Variants in PCDH19 observed in about 807,000 individuals in gnomAD.
PCDH19 encodes the protein protocadherin 19.
Under a neutral mutation model 46.2 loss-of-function variants are expected in PCDH19, and 6 were observed. The ratio of observed to expected loss-of-function variants is 0.13; its 90% CI spans 0.07 to 0.26. PCDH19 has a LOEUF of 0.26. Among genes scored for constraint, PCDH19 ranks in the 10% least tolerant of loss-of-function variants. The pLI, the probability that PCDH19 is intolerant of heterozygous loss-of-function variation, is 1.00. For missense variants in PCDH19, 740 were observed against 972.3 expected (o/e 0.76, Z 3.18); for synonymous variants, 481 against 415.7 (o/e 1.16, Z -1.91).
Position 100,408,397 on chromosome X carries a change from C to T in PCDH19, c.201G>A (p.Ser67=), listed in dbSNP as rs202078154. Reference sequence around the variant, plus strand: ...GATTGATGTCCACTAGGTGTGGAGCCGAGTTGGACACCACGCGAAAGGCTG... The same window carrying T: ...GATTGATGTCCACTAGGTGTGGAGCTGAGTTGGACACCACGCGAAAGGCTG... ...QASAFRVVSN[S]APHLVDINPS... is the part of the protein sequence containing the mutation. The change falls in exon 1 of 6, where the codon TCG becomes TCA. Residue 67 remains serine (S), a synonymous_variant. Coordinates refer to ENST00000373034, the MANE Select transcript of PCDH19 (RefSeq NM_001184880.2). The T allele has an allele frequency of 6.6e-6, 8 of 1,206,319 alleles. No homozygotes were observed. In the African/African-American group the frequency reaches 1.1e-4, roughly 16 times the overall value.
rs1569294601 is a variant in PCDH19 at position 100,333,159 on chromosome X, AAGGAAGGAAGGAAGG to A, written c.2848+8729_2848+8743del. Among the ~76,000 whole-genome samples, 153 of 46,198 alleles carry A rather than the reference AAGGAAGGAAGGAAGG, an allele frequency of 3.3e-3. 1 individual carries two copies. Among genetic ancestry groups the A allele is most frequent in the Middle Eastern group, 9.1e-3 (1 of 110 alleles). The allele number at this position is 46,198 out of a possible 115,157, so 40.1% of individuals were successfully genotyped here. On this transcript the variant is annotated intron_variant, in intron 5 of 5. Coordinates refer to ENST00000373034, the MANE Select transcript of PCDH19 (RefSeq NM_001184880.2). ...GAAGGAAGGAAGGAAGGAAGGAAGG[AAGGAAGGAAGGAAGG>A]GAGAGAGAGAGAAAGAAAGAAAGAA...
At chrX:100,347,515 T>C (rs1329436538) in intron 4 of PCDH19, among the ~76,000 whole-genome samples, 1 of 111,764 alleles carries the variant, frequency 8.9e-6, no homozygotes, top group African/African-American at 3.3e-5. Context: ...TAAACTTTCC[T>C]CAAGCCATTC....
At chrX:100,405,866 T>TA (rs1928331074) in intron 1 of PCDH19, among the ~76,000 whole-genome samples, 1 of 111,416 alleles carries the variant, frequency 9.0e-6, no homozygotes, top group Admixed American at 9.5e-5. Flanking sequence ...GGGGACTAGA[T>TA]AAAAAACAAG....
chrX:100,374,612 T>C (rs1927318387), intron 3 of PCDH19, among the ~76,000 whole-genome samples: 1 of 112,132 alleles, frequency 8.9e-6, no homozygotes, highest in African/African-American at 3.2e-5. Flanking sequence ...CCATAAATTA[T>C]GCTTACAAGT....
intron 3 of PCDH19, among the ~76,000 whole-genome samples, chrX:100,361,673 A>C (rs971805042): frequency 1.8e-5 from 2 of 111,943 alleles, no homozygotes; most frequent in African/African-American, 6.5e-5. Flanking sequence ...AAATATTATT[A>C]ACCCTGTTAA....
intron 5 of PCDH19, among the ~76,000 whole-genome samples, chrX:100,340,290 C>T (rs1363622427): frequency 8.9e-6 from 1 of 112,243 alleles, no homozygotes. Flanking sequence ...TTCCCTGATA[C>T]TGTTTTCCTA....
intron 3 of PCDH19, among the ~76,000 whole-genome samples, chrX:100,371,194 G>A (rs980828834): frequency 1.8e-5 from 2 of 111,625 alleles, no homozygotes; most frequent in African/African-American, 3.3e-5. Flanking sequence ...TCATGTCATC[G>A]TGGTCCTTCC....
At chrX:100,333,155 AAGGAAGGAAGGAAGGAAGG>A (rs1569294563) in intron 5 of PCDH19, among the ~76,000 whole-genome samples, 38 of 53,770 alleles carry the variant, frequency 7.1e-4, no homozygotes, top group African/African-American at 2.0e-3. Context: ...GGAAGGAAGG[AAGGAAGGAAGGAAGGAAGG>A]GAGAGAGAGA....
intron 1 of PCDH19, among the ~76,000 whole-genome samples, chrX:100,405,562 T>TCCCCCCCC (rs376813599): frequency 3.4e-5 from 2 of 58,176 alleles, no homozygotes; most frequent in African/African-American, 1.4e-4. Context: ...TCTCTCTCCC[T>TCCCCCCCC]CCCCCCCCCA....
rs1195768980 is a variant in PCDH19, at chrX:100,294,103, A to C, written c.*2174T>G. On this transcript the variant is annotated 3_prime_UTR_variant, in exon 6 of 6. Coordinates refer to ENST00000373034, the MANE Select transcript of PCDH19 (RefSeq NM_001184880.2). Reference sequence around the variant, plus strand: ...AGTCTAAATTCTATAGGCAGCCATCATAACTTAAAGGGGAAATTTTTAAAA... The same window carrying C: ...AGTCTAAATTCTATAGGCAGCCATCCTAACTTAAAGGGGAAATTTTTAAAA... 1 of 112,245 alleles carries C rather than the reference A, an allele frequency of 8.9e-6. No homozygotes were observed. Among genetic ancestry groups the C allele is most frequent in the Non-Finnish European group, 1.9e-5 (1 of 53,295 alleles). 9.3% of individuals were successfully genotyped at this position (112,245 alleles called of 1,213,427 possible). A position where few individuals can be genotyped will look rare whatever the true frequency, so the allele number is the denominator to read the frequency against.
rs1322393906 is a variant in PCDH19 at position 100,322,833 on chromosome X, G to GTGTATATATATATATATATATA, written c.2848+19069_2848+19070insTATATATATATATATATATACA. Among the ~76,000 whole-genome samples, 20 of 48,777 alleles carry GTGTATATATATATATATATATA rather than the reference G, an allele frequency of 4.1e-4. 1 individual carries two copies. Among genetic ancestry groups the GTGTATATATATATATATATATA allele is most frequent in the African/African-American group, 1.1e-3 (8 of 7,415 alleles). 42.4% of individuals were successfully genotyped at this position (48,777 alleles called of 115,157 possible). A position where few individuals can be genotyped will look rare whatever the true frequency, so the allele number is the denominator to read the frequency against. On this transcript the variant is annotated intron_variant, in intron 5 of 5. Transcript: ENST00000373034. ...CCTCCTTGGTTAGGTATATTCCTAA[G>GTGTATATATATATATATATATA]TATATATATATATATATATATATAT...
chrX:100,334,744 T>C (rs2147479082), intron 5 of PCDH19, among the ~76,000 whole-genome samples: 1 of 68,405 alleles, frequency 1.5e-5, no homozygotes, highest in Admixed American at 2.0e-4. Context: ...GCATAACATA[T>C]ATATAACCAA....
At chrX:100,363,615 TTA>T (rs60968315) in intron 3 of PCDH19, among the ~76,000 whole-genome samples, 36,102 of 89,338 alleles carry the variant, frequency 0.4, 6,474 homozygotes, top group Middle Eastern at 0.51. Context: ...ATGGGAAGTT[TTA>T]TATATATATA....
intron 3 of PCDH19, among the ~76,000 whole-genome samples, chrX:100,400,679 ATATT>A (rs1218216745): frequency 1.8e-5 from 2 of 112,287 alleles, no homozygotes; most frequent in East Asian, 5.6e-4. Flanking sequence ...TAAATTGAAA[ATATT>A]GGTGCTTTTG....
intron 5 of PCDH19, among the ~76,000 whole-genome samples, chrX:100,325,051 A>G (rs1925638830): frequency 9.0e-6 from 1 of 110,632 alleles, no homozygotes; most frequent in African/African-American, 3.3e-5. Flanking sequence ...GAACAAAAAA[A>G]CAAAAACAAA....
chrX:100,343,103 C>T lies in PCDH19; in HGVS notation c.2676-1028G>A, dbSNP rs188627703. 1.2e-4 allele frequency among the ~76,000 whole-genome samples: 13 copies of T among 111,632 alleles called. No individual in the cohort carries two copies. In the East Asian group the frequency reaches 3.7e-3, roughly 32 times the overall value. On this transcript the variant is annotated intron_variant, in intron 4 of 5. Coordinates refer to ENST00000373034, the MANE Select transcript of PCDH19 (RefSeq NM_001184880.2). ...TTTGTTCTCTGCCTTACTGCTTGAACTGGGACATTAATCATCTCCCGCCTT... is the reference window on the plus strand; with the variant it reads ...TTTGTTCTCTGCCTTACTGCTTGAATTGGGACATTAATCATCTCCCGCCTT...
intron 3 of PCDH19, among the ~76,000 whole-genome samples, chrX:100,362,336 C>T (rs1010491694): frequency 9.9e-5 from 11 of 111,479 alleles, no homozygotes; most frequent in African/African-American, 3.6e-4. Context: ...TTTATCGGGG[C>T]TAAACCAGTA....
intron 5 of PCDH19, among the ~76,000 whole-genome samples, chrX:100,334,947 T>C (rs1199122457): frequency 9.1e-6 from 1 of 110,492 alleles, no homozygotes; most frequent in African/African-American, 3.3e-5. Flanking sequence ...GCGTATCTAT[T>C]TAAAATTAGA....
intron 3 of PCDH19, among the ~76,000 whole-genome samples, chrX:100,366,164 C>T (rs1247768790): frequency 8.9e-6 from 1 of 111,876 alleles, no homozygotes; most frequent in Non-Finnish European, 1.9e-5. Context: ...TGCTTTGTTG[C>T]CACTTAAATT....
Sources: gnomAD v4.1 joint callset for allele counts (sites outside exome capture counted in the v4.1 genomes callset) on GRCh38, gnomAD v4.1.1 for gene constraint, MANE v1.5 for transcripts, NCBI Gene and HGNC (gene_info 2026-07-23, HGNC 2026-07-21) for gene names.